The following MRPL55 variants were observed in gnomAD, a reference collection of about 807,000 sequenced individuals.
MRPL55 encodes the protein large ribosomal subunit protein mL55.
Under a neutral mutation model 10.6 loss-of-function variants are expected in MRPL55, and 7 were observed. The observed-to-expected ratio is 0.66, with a 90% CI of 0.38 to 1.24. The LOEUF (loss-of-function observed/expected upper bound fraction) is 1.24. MRPL55 is among the 50% of genes most tolerant of loss of function. MRPL55 has a pLI of 0.02. For synonymous variants in MRPL55, 57 were observed against 71.8 expected (o/e 0.79, Z 1.04); for missense variants, 148 against 180.3 (o/e 0.82, Z 1.03).
chr1:228,108,266 C>G lies in MRPL55; in HGVS notation c.-6G>C. The G allele has an allele frequency of 6.2e-7, 1 of 1,611,216 alleles. No individual in the cohort carries two copies. The highest frequency in any genetic ancestry group is 8.5e-7 in the Non-Finnish European group (1 of 1,179,016). ...AGGCTGCCCACGGCCGCCATTCCTCCTTACAGCCCCAGTGGCACGTGGAGG... is the reference window on the plus strand; with the variant it reads ...AGGCTGCCCACGGCCGCCATTCCTCGTTACAGCCCCAGTGGCACGTGGAGG... On this transcript the variant is annotated 5_prime_UTR_variant, in exon 3 of 5. Transcript: ENST00000336520.
chr1:228,106,685 T>G lies in MRPL55; in HGVS notation c.*75A>C. Reference sequence around the variant, plus strand: ...TGGGGAGACAGACACAGACTCCAGGTGGCAGCTTCAAGAACGAGTGATTTA... The same window carrying G: ...TGGGGAGACAGACACAGACTCCAGGGGGCAGCTTCAAGAACGAGTGATTTA... On this transcript the variant is annotated 3_prime_UTR_variant, in exon 5 of 5. Transcript: ENST00000336520. 6.7e-7 allele frequency: 1 copy of G among 1,484,608 alleles called. No homozygotes were observed. The highest frequency in any genetic ancestry group is 9.2e-7 in the Non-Finnish European group (1 of 1,083,510). 92.0% of individuals were successfully genotyped at this position (1,484,608 alleles called of 1,614,324 possible).
intron 2 of MRPL55, chr1:228,108,721 G>C (rs1263773804): frequency 5.8e-6 from 1 of 172,576 alleles, no homozygotes. Context: ...GCCCAGGGCT[G>C]CTTTGCTGTG....
Position 228,106,898 on chromosome 1 carries a change from G to T in MRPL55, c.249C>A (p.Thr83=), listed in dbSNP as rs1156698371. The change falls in exon 5 of 5, where the codon ACC becomes ACA. Residue 83 remains threonine, a synonymous_variant. Transcript: ENST00000336520. ...TGGCCCGGCGCTCCTCAGGAGACAG[G>T]GTGTCCAGATCTATGGGCATCTGCA... is the stretch of plus-strand genomic sequence containing the variant. ...RMLAMPIDLD[T]LSPEERRARL... is the part of the protein sequence containing the mutation. The T allele has an allele frequency of 9.3e-6, 15 of 1,613,352 alleles. No individual in the cohort carries two copies. Among genetic ancestry groups the T allele is most frequent in the African/African-American group, 1.3e-5 (1 of 74,896 alleles).
Position 228,106,885 on chromosome 1 carries a change from C to T in MRPL55, c.262G>A (p.Glu88Lys). The change falls in exon 5 of 5, where the codon GAG becomes AAG. Residue 88 changes from glutamate to lysine, a missense_variant. Transcript: ENST00000336520. ...PIDLDTLSPE[E>K]RRARLRKREA... ...CGCTTCCGCAGCCTGGCCCGGCGCT[C>T]CTCAGGAGACAGGGTGTCCAGATCT... The T allele has an allele frequency of 6.2e-7, 1 of 1,613,692 alleles. No homozygotes were observed. Among genetic ancestry groups the T allele is most frequent in the Non-Finnish European group, 8.5e-7 (1 of 1,179,992 alleles).
At chr1:228,108,160 T>C (rs550840228) in intron 3 of MRPL55, 75 bp downstream of exon 3, 2 of 1,557,670 alleles carry the variant, frequency 1.3e-6, no homozygotes, top group Non-Finnish European at 1.7e-6. Context: ...AGAATGGCGG[T>C]TTCCTGCTGA....
At chr1:228,107,567 C>T in intron 4 of MRPL55, 101 bp downstream of exon 4, 1 of 1,069,092 alleles carries the variant, frequency 9.4e-7, no homozygotes, top group South Asian at 1.3e-5. Context: ...GGTACAGTGA[C>T]CACAGCCACA....
intron 3 of MRPL55, 22 bp downstream of exon 3, chr1:228,108,213 G>T: frequency 1.9e-6 from 3 of 1,608,786 alleles, no homozygotes; most frequent in Non-Finnish European, 2.5e-6. Context: ...TAATCCCCAG[G>T]GACCTAAAAG....
Position 228,107,836 on chromosome 1 carries a change from T to C in MRPL55, c.60A>G (p.Gly20=). The C allele has an allele frequency of 6.2e-7, 1 of 1,613,146 alleles. No individual in the cohort carries two copies. The highest frequency in any genetic ancestry group is 1.3e-5 in the African/African-American group (1 of 75,060). ...ATGTGTGCAGGCGGCGGAGTGCAGG[T>C]CCGGTGGCCTTCACGGTGCTCTGCC... ...RLRQSTVKAT[G]PALRRLHTSS... is the part of the protein sequence containing the mutation. The change falls in exon 4 of 5, where the codon GGA becomes GGG. Residue 20 remains glycine (G), a synonymous_variant. Coordinates refer to ENST00000336520, the MANE Select transcript of MRPL55 (RefSeq NM_181463.3).
rs375373877 is a variant in MRPL55 at position 228,106,828 on chromosome 1, C to T, written c.319G>A (p.Glu107Lys). 3.1e-5 allele frequency: 50 copies of T among 1,613,894 alleles called. No homozygotes were observed. Among genetic ancestry groups the T allele is most frequent in the Middle Eastern group, 1.6e-4 (1 of 6,084 alleles). ...EAQLQSRKEY[E>K]QELSDDLHVE... ...TGCAAGTCATCACTGAGCTCCTGCT[C>T]GTACTCCTTCCTCGACTGGAGCTGA... is the stretch of plus-strand genomic sequence containing the variant. The change falls in exon 5 of 5, where the codon GAG (glutamate) becomes AAG (lysine). Residue 107 changes from glutamate to lysine, a missense_variant. By Grantham distance (56) the Glu-to-Lys change is moderately conservative. Coordinates refer to ENST00000336520, the MANE Select transcript of MRPL55 (RefSeq NM_181463.3).
intron 2 of MRPL55, chr1:228,108,540 C>A: frequency 4.0e-6 from 2 of 504,552 alleles, no homozygotes; most frequent in Non-Finnish European, 7.0e-6. Context: ...CAGCCTGCGG[C>A]AGGGCCCAGG....
At chr1:228,108,101 A>T in intron 3 of MRPL55, 134 bp downstream of exon 3, 2 of 1,532,780 alleles carry the variant, frequency 1.3e-6, no homozygotes, top group Non-Finnish European at 1.8e-6. Flanking sequence ...AAGGGCACAA[A>T]GCTTCCAGCA....
chr1:228,106,821 T>G lies in MRPL55; in HGVS notation c.326A>C (p.Glu109Ala). The G allele has an allele frequency of 6.2e-7, 1 of 1,614,036 alleles. No homozygotes were observed. Among genetic ancestry groups the G allele is most frequent in the Non-Finnish European group, 8.5e-7 (1 of 1,180,006 alleles). ...CTCCACATGCAAGTCATCACTGAGC[T>G]CCTGCTCGTACTCCTTCCTCGACTG... The part of the protein sequence containing the change: ...QLQSRKEYEQ[E>A]LSDDLHVERY... Residue 109 changes from glutamate (E) to alanine (A), a missense_variant, in exon 5 of 5, where the codon GAG becomes GCG. Coordinates refer to ENST00000336520, the MANE Select transcript of MRPL55 (RefSeq NM_181463.3).
chr1:228,107,454 CT>C (rs1291351495), intron 4 of MRPL55, among the ~76,000 whole-genome samples: 1 of 152,180 alleles, frequency 6.6e-6, no homozygotes, highest in Non-Finnish European at 1.5e-5. Context: ...TAAAAACACA[CT>C]ACTGGTTAGT....
At chr1:228,108,734 C>T (rs2033470415) in intron 2 of MRPL55, 1 of 169,520 alleles carries the variant, frequency 5.9e-6, no homozygotes, top group Admixed American at 5.6e-5. Context: ...TTGCTGTGAC[C>T]TGGATTCCCA....
intron 2 of MRPL55, 33 bp from the exon 3 acceptor site, chr1:228,108,351 A>G: frequency 7.3e-7 from 1 of 1,378,592 alleles, no homozygotes; most frequent in Non-Finnish European, 1.0e-6. Flanking sequence ...ATCTTTTTTA[A>G]AAGGAAGGTT....
intron 4 of MRPL55, among the ~76,000 whole-genome samples, chr1:228,107,203 G>A (rs1220095184): frequency 2.0e-5 from 3 of 152,178 alleles, no homozygotes; most frequent in African/African-American, 7.2e-5. Flanking sequence ...AGGATCGCTT[G>A]AGCCCAGGAG....
chr1:228,108,343 C>CT (rs2033421762), intron 2 of MRPL55, 25 bp from the exon 3 acceptor site: 3 of 1,426,908 alleles, frequency 2.1e-6, no homozygotes, highest in African/African-American at 2.9e-5. Flanking sequence ...ATGAAGAGAT[C>CT]TTTTTTAAAA....
intron 4 of MRPL55, 73 bp downstream of exon 4, chr1:228,107,595 C>G (rs2033276805): frequency 7.2e-7 from 1 of 1,394,310 alleles, no homozygotes; most frequent in African/African-American, 1.4e-5. Context: ...CCGAAGGCGA[C>G]TGGTCACCAG....
chr1:228,108,065 G>C, intron 3 of MRPL55, 170 bp downstream of exon 3: 1 of 1,539,622 alleles, frequency 6.5e-7, no homozygotes, highest in South Asian at 1.2e-5. Flanking sequence ...TGGCCCCCTA[G>C]CCAGGAAGAG....
Sources: gnomAD v4.1 joint callset for allele counts (sites outside exome capture counted in the v4.1 genomes callset) on GRCh38, gnomAD v4.1.1 for gene constraint, MANE v1.5 for transcripts, NCBI Gene and HGNC (gene_info 2026-07-23, HGNC 2026-07-21) for gene names.